GNL2: variants seen among roughly 807,000 people sequenced by gnomAD.
The protein encoded by GNL2 is G protein nucleolar 2.
In GNL2, 51 loss-of-function variants were observed where a neutral mutation model predicts 92.3. The ratio of observed to expected loss-of-function variants is 0.55; its 90% CI spans 0.44 to 0.70. The LOEUF is 0.70. Among genes scored for constraint, GNL2 ranks in the 30% least tolerant of loss-of-function variants. The pLI is 0.00. For missense variants in GNL2, 844 were observed against 895.6 expected (o/e 0.94, Z 0.74); for synonymous variants, 283 against 300.6 (o/e 0.94, Z 0.61).
Position 37,587,415 on chromosome 1 carries a change from T to C in GNL2, c.465A>G (p.Leu155=), listed in dbSNP as rs1643863822. ...GPKSQRKRPN[L]FASDMQSLIE... Reference sequence around the variant, plus strand: ...TAAGAGACTGCATATCACTTGCAAATAAGTTTGGTCGTTTCCTCTGTGACT... The same window carrying C: ...TAAGAGACTGCATATCACTTGCAAACAAGTTTGGTCGTTTCCTCTGTGACT... Residue 155 remains leucine (L), a synonymous_variant, in exon 5 of 16, where the codon TTA becomes TTG. Coordinates refer to ENST00000373062, the MANE Select transcript of GNL2 (RefSeq NM_013285.3). 1.2e-6 allele frequency: 2 copies of C among 1,613,358 alleles called. No homozygotes were observed. The highest frequency in any genetic ancestry group is 1.3e-5 in the African/African-American group (1 of 74,880).
chr1:37,566,821 GTT>G lies in GNL2; in HGVS notation c.*32_*33del, dbSNP rs1267926052. On this transcript the variant is annotated 3_prime_UTR_variant, in exon 16 of 16. Coordinates refer to ENST00000373062, the MANE Select transcript of GNL2 (RefSeq NM_013285.3). ...AAGAAAACACAATTTCTAACTGCCT[GTT>G]TTTGTATAATTTAATAAAAACCTTT... 10 of 1,598,516 alleles carry G rather than the reference GTT, an allele frequency of 6.3e-6. No homozygotes were observed. The highest frequency in any genetic ancestry group is 7.7e-6 in the Non-Finnish European group (9 of 1,168,126).
chr1:37,594,253 G>A (rs972816279), intron 1 of GNL2, among the ~76,000 whole-genome samples: 73 of 152,318 alleles, frequency 4.8e-4, no homozygotes, highest in African/African-American at 1.7e-3. Flanking sequence ...GGCAGAGCCA[G>A]AATTTGTACA....
At chr1:37,590,924 T>C in intron 3 of GNL2, 79 bp from the exon 4 acceptor site, 1 of 1,169,128 alleles carries the variant, frequency 8.6e-7, no homozygotes, top group Non-Finnish European at 1.2e-6. Context: ...AAAGGCAAGA[T>C]TTTAAATTAC....
chr1:37,569,627 A>T (rs1643565124), intron 12 of GNL2: 2 of 243,412 alleles, frequency 8.2e-6, no homozygotes, highest in Non-Finnish European at 1.6e-5. Context: ...ATATAAGCAC[A>T]TGCAAAATCA....
chr1:37,592,658 C>T (rs1352327761), intron 3 of GNL2, 54 bp downstream of exon 3: 4 of 973,864 alleles, frequency 4.1e-6, no homozygotes, highest in Non-Finnish European at 6.6e-6. Context: ...ACATCCTAGC[C>T]GTTTCCACTC....
chr1:37,571,124 G>A (rs758584544), intron 12 of GNL2, among the ~76,000 whole-genome samples: 1 of 152,154 alleles, frequency 6.6e-6, no homozygotes, highest in Non-Finnish European at 1.5e-5. Context: ...AAGAAAAACA[G>A]AATCACAGAG....
intron 8 of GNL2, among the ~76,000 whole-genome samples, chr1:37,578,775 G>C (rs564510650): frequency 6.6e-6 from 1 of 152,004 alleles, no homozygotes; most frequent in African/African-American, 2.4e-5. Context: ...GCCCAGGCTC[G>C]TCTAGAACTC....
intron 3 of GNL2, among the ~76,000 whole-genome samples, chr1:37,591,190 G>A (rs563646135): frequency 1.3e-5 from 2 of 152,304 alleles, no homozygotes; most frequent in African/African-American, 4.8e-5. Context: ...GAAACCTGGA[G>A]CCAATCACAG....
intron 8 of GNL2, among the ~76,000 whole-genome samples, chr1:37,578,615 C>A (rs111969326): frequency 2.6e-5 from 4 of 151,598 alleles, no homozygotes; most frequent in African/African-American, 7.3e-5. Context: ...TGAAGTACAG[C>A]GACACAATCA....
In GNL2 at chr1:37,567,025, A is replaced by G. The variant is rs182401617; in HGVS notation, c.2044-18T>C. 2.8e-5 allele frequency: 45 copies of G among 1,602,782 alleles called. No individual in the cohort carries two copies. The highest frequency in any genetic ancestry group is 3.7e-5 in the Non-Finnish European group (44 of 1,175,928). On this transcript the variant is annotated intron_variant, in intron 15 of 15. Coordinates refer to ENST00000373062, the MANE Select transcript of GNL2 (RefSeq NM_013285.3). ...CGCCTCCGCTGTAAAAAATGGCAAGAAAAGATGAAGAAAAAAAACAACAAA... is the reference window on the plus strand; with the variant it reads ...CGCCTCCGCTGTAAAAAATGGCAAGGAAAGATGAAGAAAAAAAACAACAAA...
chr1:37,578,648 C>T (rs1160899393), intron 8 of GNL2, among the ~76,000 whole-genome samples: 1 of 151,918 alleles, frequency 6.6e-6, no homozygotes, highest in African/African-American at 2.4e-5. Flanking sequence ...GCCTCTGTCT[C>T]CTGGGCTCAA....
chr1:37,587,390 T>A lies in GNL2; in HGVS notation c.490A>T (p.Ile164Phe). The change falls in exon 5 of 16, where the codon ATC becomes TTC. Residue 164 changes from isoleucine (I) to phenylalanine (F), a missense_variant. Physicochemically the swap from Ile to Phe is conservative, Grantham distance 21. Coordinates refer to ENST00000373062, the MANE Select transcript of GNL2 (RefSeq NM_013285.3). The part of the protein sequence containing the change: ...NLFASDMQSL[I>F]ENAEMSTESY... ...TCAGTGGACATTTCAGCATTTTCGA[T>A]AAGAGACTGCATATCACTTGCAAAT... The A allele has an allele frequency of 6.2e-7, 1 of 1,613,546 alleles. No homozygotes were observed. The highest frequency in any genetic ancestry group is 2.2e-5 in the East Asian group (1 of 44,880).
chr1:37,582,988 G>A, intron 6 of GNL2, 52 bp from the exon 7 acceptor site: 2 of 1,288,040 alleles, frequency 1.6e-6, no homozygotes, highest in Non-Finnish European at 2.2e-6. Flanking sequence ...ATAAAAGAGG[G>A]ATGACATTTA....
chr1:37,572,651 C>T (rs1027180319), intron 12 of GNL2, among the ~76,000 whole-genome samples: 1 of 152,174 alleles, frequency 6.6e-6, no homozygotes, highest in East Asian at 1.9e-4. Flanking sequence ...CCCTGTGCAC[C>T]TCTTCCACTG....
chr1:37,569,353 T>C (rs754312758), intron 12 of GNL2, 51 bp from the exon 13 acceptor site: 3 of 1,279,584 alleles, frequency 2.3e-6, no homozygotes, highest in South Asian at 1.3e-5. Flanking sequence ...AAATGAAAAA[T>C]GGAATTTCTG....
intron 1 of GNL2, 183 bp from the exon 2 acceptor site, chr1:37,594,029 A>G: frequency 1.8e-6 from 1 of 555,244 alleles, no homozygotes; most frequent in Non-Finnish European, 3.2e-6. Context: ...GGTATGACAA[A>G]GCTGACCCAA....
intron 15 of GNL2, among the ~76,000 whole-genome samples, chr1:37,567,375 G>A (rs1206982413): frequency 2.0e-5 from 3 of 152,198 alleles, no homozygotes; most frequent in African/African-American, 7.2e-5. Context: ...ACAGAAGTCA[G>A]TGATCTGCCC....
intron 11 of GNL2, 68 bp downstream of exon 11, chr1:37,574,597 A>C: frequency 6.7e-7 from 1 of 1,494,504 alleles, no homozygotes; most frequent in South Asian, 1.1e-5. Context: ...TACCAAAAAA[A>C]GGCCCATATC....
Position 37,595,886 on chromosome 1 carries a change from T to A in GNL2, c.-64A>T. On this transcript the variant is annotated 5_prime_UTR_variant, in exon 1 of 16. Transcript: ENST00000373062. ...TTACGTGGTGAAACAAACTTTTATGTTCCCAAGCCCGGCCGAAGACACCCG... is the reference window on the plus strand; with the variant it reads ...TTACGTGGTGAAACAAACTTTTATGATCCCAAGCCCGGCCGAAGACACCCG... The A allele has an allele frequency of 7.0e-7, 1 of 1,428,196 alleles. No individual in the cohort carries two copies. The highest frequency in any genetic ancestry group is 9.9e-7 in the Non-Finnish European group (1 of 1,011,786). The allele number at this position is 1,428,196 out of a possible 1,614,324, so 88.5% of individuals were successfully genotyped here. A position where few individuals can be genotyped will look rare whatever the true frequency, so the allele number is the denominator to read the frequency against.
Sources: gnomAD v4.1 joint callset for allele counts (sites outside exome capture counted in the v4.1 genomes callset) on GRCh38, gnomAD v4.1.1 for gene constraint, MANE v1.5 for transcripts, NCBI Gene and HGNC (gene_info 2026-07-23, HGNC 2026-07-21) for gene names.